The following DLGAP2 variants were observed in gnomAD, a reference collection of about 807,000 sequenced individuals.
DLGAP2 encodes disks large-associated protein 2.
A neutral mutation model predicts 100.3 loss-of-function variants in DLGAP2; 26 were observed. The observed-to-expected ratio is 0.26, with a 90% CI of 0.19 to 0.36. The LOEUF (loss-of-function observed/expected upper bound fraction) is 0.36. Ranked by LOEUF, DLGAP2 falls within the 10% of genes least tolerant of loss-of-function variation. The probability of loss-of-function intolerance (pLI) is 1.00; values close to 1 mark genes in which losing one functional copy is unlikely to be tolerated. For missense variants in DLGAP2, 1,858 were observed against 1,453.2 expected (o/e 1.28, Z -4.53); for synonymous variants, 886 against 630.1 (o/e 1.41, Z -6.08).
intron 1 of DLGAP2, among the ~76,000 whole-genome samples, chr8:743,901 T>A (rs1342754829): frequency 6.6e-6 from 1 of 152,202 alleles, no homozygotes; most frequent in East Asian, 1.9e-4. Context: ...CGTGGCCGGG[T>A]CTTCATGTCT....
chr8:1,357,979 G>C (rs188406585), intron 3 of DLGAP2, among the ~76,000 whole-genome samples: 1 of 152,298 alleles, frequency 6.6e-6, no homozygotes, highest in Non-Finnish European at 1.5e-5. Flanking sequence ...AGACCCAATC[G>C]ACTTAGAGAG....
chr8:1,684,029 T>G (rs1799048231), intron 12 of DLGAP2, among the ~76,000 whole-genome samples: 1 of 144,660 alleles, frequency 6.9e-6, no homozygotes, highest in Non-Finnish European at 1.5e-5. Flanking sequence ...ACACCAAGGC[T>G]GGAGCGCAGT....
chr8:1,017,616 C>T (rs1801501896), intron 2 of DLGAP2, among the ~76,000 whole-genome samples: 1 of 144,430 alleles, frequency 6.9e-6, no homozygotes, highest in African/African-American at 2.5e-5. Context: ...CAGACGGCGC[C>T]TCCACTGTGT....
chr8:1,664,968 C>T (rs571875786), intron 8 of DLGAP2, among the ~76,000 whole-genome samples: 21 of 152,246 alleles, frequency 1.4e-4, no homozygotes, highest in Middle Eastern at 6.8e-3. Context: ...TCTTTTTGTA[C>T]GCTGGAGGTG....
chr8:1,212,994 C>A (rs569004830), intron 2 of DLGAP2, among the ~76,000 whole-genome samples: 1 of 151,988 alleles, frequency 6.6e-6, no homozygotes, highest in African/African-American at 2.4e-5. Context: ...GTTGCTCTTA[C>A]GGCAGAGATT....
chr8:1,451,803 C>T (rs866803212), intron 3 of DLGAP2, among the ~76,000 whole-genome samples: 89 of 152,284 alleles, frequency 5.8e-4, no homozygotes, highest in Middle Eastern at 3.4e-3. Context: ...TCCCAACGTC[C>T]GGATATCCCA....
At position 1,548,825 on chromosome 8, in the gene DLGAP2, C is replaced by T; in HGVS notation, c.372C>T (p.Pro124=). The T allele has an allele frequency of 4.4e-6, 7 of 1,579,858 alleles. No individual in the cohort carries two copies. The highest frequency in any genetic ancestry group is 6.0e-6 in the Non-Finnish European group (7 of 1,167,010). ...PDARPPYLLS[P]ADSCPGGRHR... is the part of the protein sequence containing the mutation. ...CGCGGCCGCCCTACCTGCTGAGCCCCGCCGACAGCTGCCCCGGGGGGCGCC... is the reference window on the plus strand; with the variant it reads ...CGCGGCCGCCCTACCTGCTGAGCCCTGCCGACAGCTGCCCCGGGGGGCGCC... Residue 124 remains proline (P), a synonymous_variant, in exon 5 of 15, where the codon CCC becomes CCT. Transcript: ENST00000637795.
chr8:1,559,654 T>G (rs1255914519), intron 5 of DLGAP2, among the ~76,000 whole-genome samples: 8 of 152,364 alleles, frequency 5.3e-5, no homozygotes, highest in Non-Finnish European at 5.9e-5. Context: ...GAAACATGTT[T>G]TTAATTCACA....
At chr8:1,178,928 C>T (rs17815633) in intron 2 of DLGAP2, among the ~76,000 whole-genome samples, 5,081 of 152,312 alleles carry the variant, frequency 0.033, 121 homozygotes, top group East Asian at 0.15. Context: ...CTGGGCACAC[C>T]GGCCTCTGCA....
rs572277640 is a variant in DLGAP2, at chr8:1,561,581, T to A, written c.1231-4102T>A. Among the ~76,000 whole-genome samples the A allele has an allele frequency of 3.9e-5, 6 of 152,294 alleles. No individual in the cohort carries two copies. In the East Asian group the frequency reaches 1.2e-3, roughly 29 times the overall value. On this transcript the variant is annotated intron_variant, in intron 5 of 14. Coordinates refer to ENST00000637795, the MANE Select transcript of DLGAP2 (RefSeq NM_001346810.2). ...TTCTAGTGTGCGTGGTGCTAGGGTG[T>A]CACTGTGAGCTGCCGTGTGCCTGGG...
chr8:1,381,029 A>C (rs929483190), intron 3 of DLGAP2: 1 of 151,438 alleles, frequency 6.6e-6, no homozygotes, highest in Admixed American at 6.6e-5. Context: ...TATTTTACTT[A>C]AATAATATAA....
At chr8:1,336,344 G>A (rs1051306201) in intron 3 of DLGAP2, among the ~76,000 whole-genome samples, 3 of 152,232 alleles carry the variant, frequency 2.0e-5, no homozygotes, top group African/African-American at 4.8e-5. Flanking sequence ...GAGAGGGGTG[G>A]TGAGAGAAAG....
intron 2 of DLGAP2, among the ~76,000 whole-genome samples, chr8:1,004,872 T>C (rs759300408): frequency 3.3e-5 from 5 of 152,098 alleles, no homozygotes; most frequent in Non-Finnish European, 5.9e-5. Flanking sequence ...TGTAGCAAAA[T>C]GAAAATGTGA....
intron 2 of DLGAP2, among the ~76,000 whole-genome samples, chr8:986,237 G>A (rs1024773612): frequency 2.0e-5 from 3 of 152,188 alleles, no homozygotes; most frequent in Non-Finnish European, 4.4e-5. Context: ...AGCAGGGGTA[G>A]GGAGAGCTGT....
intron 1 of DLGAP2, among the ~76,000 whole-genome samples, chr8:848,182 C>T (rs758979189): frequency 4.1e-4 from 62 of 152,308 alleles, no homozygotes; most frequent in Admixed American, 2.4e-3. Context: ...TCTTCCAGTT[C>T]GCACGATGTA....
intron 2 of DLGAP2, among the ~76,000 whole-genome samples, chr8:1,220,609 A>T (rs1029747311): frequency 6.6e-6 from 1 of 152,176 alleles, no homozygotes; most frequent in Non-Finnish European, 1.5e-5. Context: ...GTAGATATCT[A>T]TTAGGTCTAT....
rs560590588 is a variant in DLGAP2 at position 1,430,541 on chromosome 8, C to T, written c.107-70825C>T. 5.5e-4 allele frequency among the ~76,000 whole-genome samples: 84 copies of T among 152,294 alleles called. 2 individuals are homozygous for T. Among genetic ancestry groups the T allele is most frequent in the African/African-American group, 1.9e-3 (80 of 41,564 alleles). On this transcript the variant is annotated intron_variant, in intron 3 of 14. Transcript: ENST00000637795. ...TCTACAGGCCTTGTAGCTAAGGTGA[C>T]TCAGACAAACCCCATTGCTTCTGGG...
In DLGAP2 at chr8:1,307,020, G is replaced by T. The variant is rs571144475; in HGVS notation, c.106+48137G>T. On this transcript the variant is annotated intron_variant, in intron 3 of 14. Transcript: ENST00000637795. ...GATACCAAAAGTACAAGCAACAAAA[G>T]AATAGATACATAATTTAGACTTCAT... 3.9e-5 allele frequency among the ~76,000 whole-genome samples: 6 copies of T among 152,046 alleles called. No individual in the cohort carries two copies. In the South Asian group the frequency reaches 1.2e-3, roughly 32 times the overall value.
intron 1 of DLGAP2, among the ~76,000 whole-genome samples, chr8:834,792 C>G (rs1200722950): frequency 6.6e-6 from 1 of 152,072 alleles, no homozygotes; most frequent in Non-Finnish European, 1.5e-5. Flanking sequence ...CATTTGTACC[C>G]CAAACCTCAG....
Sources: gnomAD v4.1 joint callset for allele counts (sites outside exome capture counted in the v4.1 genomes callset) on GRCh38, gnomAD v4.1.1 for gene constraint, MANE v1.5 for transcripts, NCBI Gene and HGNC (gene_info 2026-07-23, HGNC 2026-07-21) for gene names.